The following SUFU variants were observed in gnomAD, a reference collection of about 807,000 sequenced individuals.
SUFU encodes suppressor of fused homolog.
Under a neutral mutation model 58.9 loss-of-function variants are expected in SUFU, and 7 were observed. That is an observed-to-expected ratio of 0.12 (90% CI 0.07 to 0.22). The LOEUF is 0.22. SUFU is among the 10% of genes least tolerant of loss of function. SUFU has a pLI of 1.00. For missense variants in SUFU, 451 were observed against 641.3 expected (o/e 0.70, Z 3.20); for synonymous variants, 232 against 254.8 (o/e 0.91, Z 0.85).
At chr10:102,621,549 C>T (rs1306740897) in intron 10 of SUFU, among the ~76,000 whole-genome samples, 3 of 152,154 alleles carry the variant, frequency 2.0e-5, no homozygotes, top group African/African-American at 7.2e-5. Flanking sequence ...GGGGTGTTCT[C>T]CAGGCTGTTT....
chr10:102,525,092 CTTTAT>C (rs565320171), intron 2 of SUFU, among the ~76,000 whole-genome samples: 4 of 152,034 alleles, frequency 2.6e-5, no homozygotes, highest in Non-Finnish European at 4.4e-5. Context: ...CTGAACCTTG[CTTTAT>C]TTTATTTTAT....
intron 6 of SUFU, 92 bp downstream of exon 6, chr10:102,594,157 T>A: frequency 7.8e-7 from 1 of 1,286,766 alleles, no homozygotes; most frequent in Non-Finnish European, 1.1e-6. Flanking sequence ...ACAGAGGACC[T>A]TTATGTGTGA....
Position 102,561,667 on chromosome 10 carries a change from CTT to C in SUFU, c.454+11579_454+11580del, listed in dbSNP as rs34738568. Among the ~76,000 whole-genome samples the C allele has an allele frequency of 2.2e-3, 245 of 110,538 alleles. No homozygotes were observed. The East Asian group carries it at 0.025, about 11-fold the overall frequency. The allele number at this position is 110,538 out of a possible 152,430, so 72.5% of individuals were successfully genotyped here. ...TTTAGGGTTAGGAAAGACCAGCAAG[CTT>C]TTTTTTTTTTTTTTTTTGAGATGGG... On this transcript the variant is annotated intron_variant, in intron 3 of 11. Coordinates refer to ENST00000369902, the MANE Select transcript of SUFU (RefSeq NM_016169.4).
intron 2 of SUFU, among the ~76,000 whole-genome samples, chr10:102,544,510 G>A (rs1050454337): frequency 7.2e-5 from 11 of 152,096 alleles, no homozygotes; most frequent in Non-Finnish European, 1.3e-4. Flanking sequence ...AGACCAACCT[G>A]GCCAACATGG....
intron 2 of SUFU, among the ~76,000 whole-genome samples, chr10:102,547,262 C>G (rs2062864940): frequency 1.3e-5 from 2 of 152,194 alleles, no homozygotes; most frequent in Non-Finnish European, 2.9e-5. Context: ...TTGCATTACT[C>G]CATGTTTTCA....
chr10:102,631,030 C>G lies in SUFU; in HGVS notation c.*875C>G, dbSNP rs2063833162. The G allele has an allele frequency of 4.3e-6, 1 of 233,310 alleles. No homozygotes were observed. Among genetic ancestry groups the G allele is most frequent in the South Asian group, 1.8e-4 (1 of 5,538 alleles). 14.5% of individuals were successfully genotyped at this position (233,310 alleles called of 1,614,324 possible). The stretch of plus-strand genomic sequence containing the variant: ...AAAGACTTGGTGACCCCAGCCTCAT[C>G]TTCTAGGCCTTTTCCACCCAACCAG... On this transcript the variant is annotated 3_prime_UTR_variant, in exon 12 of 12. Transcript: ENST00000369902.
intron 3 of SUFU, among the ~76,000 whole-genome samples, chr10:102,567,003 GCTCTTTTTTTTTTTTTTTTTTTTT>G (rs2063097775): frequency 1.6e-5 from 1 of 64,204 alleles, no homozygotes; most frequent in African/African-American, 6.2e-5. Flanking sequence ...AAGGAAACAG[GCTCTTTTTTTTTTTTTTTTTTTTT>G]TTGAGACAGA....
Position 102,549,826 on chromosome 10 carries a change from C to CA in SUFU, c.318-142dup, listed in dbSNP as rs1014747217. 7.6e-6 allele frequency: 8 copies of CA among 1,057,890 alleles called. No individual in the cohort carries two copies. In the Admixed American group the frequency reaches 1.7e-4, roughly 23 times the overall value. 65.5% of individuals were successfully genotyped at this position (1,057,890 alleles called of 1,614,324 possible). A position where few individuals can be genotyped will look rare whatever the true frequency, so the allele number is the denominator to read the frequency against. ...ATGGGCTTCTCAGGTTCCCTCCCCA[C>CA]AAGGCTCACATCCTGGGATACTCCT... On this transcript the variant is annotated intron_variant, in intron 2 of 11. Coordinates refer to ENST00000369902, the MANE Select transcript of SUFU (RefSeq NM_016169.4).
chr10:102,622,677 G>A (rs1283578747), intron 10 of SUFU, among the ~76,000 whole-genome samples: 1 of 152,042 alleles, frequency 6.6e-6, no homozygotes, highest in African/African-American at 2.4e-5. Context: ...CCCCTGGCCG[G>A]GCCCAGTGGC....
At chr10:102,613,114 G>A (rs1330049299) in intron 8 of SUFU, among the ~76,000 whole-genome samples, 1 of 152,264 alleles carries the variant, frequency 6.6e-6, no homozygotes, top group Non-Finnish European at 1.5e-5. Flanking sequence ...CTGAGGCTTC[G>A]ATCAGAAGTC....
intron 3 of SUFU, among the ~76,000 whole-genome samples, chr10:102,584,632 T>G (rs1457270037): frequency 6.6e-6 from 1 of 152,210 alleles, no homozygotes; most frequent in Admixed American, 6.5e-5. Flanking sequence ...TTTTGTTATA[T>G]TATCCTGAAG....
At chr10:102,596,439 C>G (rs543390796) in intron 6 of SUFU, among the ~76,000 whole-genome samples, 1 of 152,272 alleles carries the variant, frequency 6.6e-6, no homozygotes, top group South Asian at 2.1e-4. Context: ...TCAGCAGTAC[C>G]AAGGCCTGCA....
chr10:102,593,890 C>A, intron 5 of SUFU, 103 bp from the exon 6 acceptor site: 3 of 1,457,594 alleles, frequency 2.1e-6, no homozygotes, highest in South Asian at 1.1e-5. Flanking sequence ...ACGAACTATT[C>A]CCCTGTGTCC....
intron 2 of SUFU, among the ~76,000 whole-genome samples, chr10:102,547,820 G>C (rs1223578466): frequency 6.6e-6 from 1 of 151,840 alleles, no homozygotes; most frequent in Non-Finnish European, 1.5e-5. Context: ...AAGAAAGAGA[G>C]AGAGGCGGGG....
chr10:102,568,921 CACATATATATATATATATAT>C (rs2063128408), intron 3 of SUFU, among the ~76,000 whole-genome samples: 1 of 9,538 alleles, frequency 1.0e-4, no homozygotes, highest in African/African-American at 3.7e-4. Flanking sequence ...TATATATATA[CACATATATATATATATATAT>C]ATATATATAT....
At chr10:102,570,947 C>T (rs954833292) in intron 3 of SUFU, among the ~76,000 whole-genome samples, 13 of 151,978 alleles carry the variant, frequency 8.6e-5, no homozygotes, top group African/African-American at 3.1e-4. Context: ...ATTTTCAGTA[C>T]ACAAGGCAAT....
intron 3 of SUFU, 64 bp downstream of exon 3, chr10:102,550,170 C>T (rs1200515687): frequency 5.0e-6 from 8 of 1,608,976 alleles, no homozygotes; most frequent in Non-Finnish European, 6.8e-6. Context: ...ACTTTGAGTA[C>T]TAGCAGCTAT....
At chr10:102,558,495 G>C (rs2063004043) in intron 3 of SUFU, among the ~76,000 whole-genome samples, 1 of 152,224 alleles carries the variant, frequency 6.6e-6, no homozygotes, top group Non-Finnish European at 1.5e-5. Context: ...ACACATGCGA[G>C]CCACTGCGCC....
chr10:102,548,794 G>A (rs2062880018), intron 2 of SUFU, among the ~76,000 whole-genome samples: 1 of 152,056 alleles, frequency 6.6e-6, no homozygotes, highest in Admixed American at 6.5e-5. Flanking sequence ...CCTGAGACTT[G>A]GGGCTCCTGA....
Sources: gnomAD v4.1 joint callset for allele counts (sites outside exome capture counted in the v4.1 genomes callset) on GRCh38, gnomAD v4.1.1 for gene constraint, MANE v1.5 for transcripts, NCBI Gene and HGNC (gene_info 2026-07-23, HGNC 2026-07-21) for gene names.